GRAMD1B: variants seen among roughly 807,000 people sequenced by gnomAD.
GRAMD1B encodes protein Aster-B.
A neutral mutation model predicts 99.7 loss-of-function variants in GRAMD1B; 37 were observed. That is an observed-to-expected ratio of 0.37 (90% CI 0.29 to 0.49). The LOEUF is 0.49. Among genes scored for constraint, GRAMD1B ranks in the 20% least tolerant of loss-of-function variants. The pLI is 0.98. For missense variants in GRAMD1B, 888 were observed against 1,009.2 expected (o/e 0.88, Z 1.63); for synonymous variants, 427 against 387.6 (o/e 1.10, Z -1.19).
chr11:123,593,059 C>T (rs1950854604), intron 4 of GRAMD1B, among the ~76,000 whole-genome samples: 1 of 151,970 alleles, frequency 6.6e-6, no homozygotes, highest in African/African-American at 2.4e-5. Flanking sequence ...TGGCGAAACC[C>T]CATCTCTAGT....
intron 1 of GRAMD1B, among the ~76,000 whole-genome samples, chr11:123,473,511 G>A (rs1242844757): frequency 6.6e-6 from 1 of 152,158 alleles, no homozygotes; most frequent in Non-Finnish European, 1.5e-5. Context: ...GGGCTCCAGA[G>A]ATCCTCCTTC....
chr11:123,578,472 T>C, intron 3 of GRAMD1B: 1 of 1,416,992 alleles, frequency 7.1e-7, no homozygotes, highest in Non-Finnish European at 9.6e-7. Flanking sequence ...TCCCCTCTAG[T>C]GTCGATCTGT....
chr11:123,364,842 C>CA (rs11309566), intron 1 of GRAMD1B, among the ~76,000 whole-genome samples: 4 of 149,718 alleles, frequency 2.7e-5, no homozygotes, highest in South Asian at 2.1e-4. Flanking sequence ...TCCAGTTTTT[C>CA]AAAAAAAAAA....
chr11:123,571,078 C>A (rs936793483), intron 2 of GRAMD1B, among the ~76,000 whole-genome samples: 1 of 152,186 alleles, frequency 6.6e-6, no homozygotes, highest in Non-Finnish European at 1.5e-5. Flanking sequence ...GGTGGAGGCA[C>A]CGGGGGCCAG....
At chr11:123,485,547 T>C (rs1937639539) in intron 2 of GRAMD1B, among the ~76,000 whole-genome samples, 1 of 152,284 alleles carries the variant, frequency 6.6e-6, no homozygotes, top group African/African-American at 2.4e-5. Context: ...ATACATTTGC[T>C]GAGTGGGTGT....
At chr11:123,534,977 C>G (rs1381094418) in intron 2 of GRAMD1B, among the ~76,000 whole-genome samples, 3 of 152,040 alleles carry the variant, frequency 2.0e-5, no homozygotes, top group African/African-American at 4.8e-5. Context: ...CTGGTCAGGA[C>G]AGGGATATGT....
intron 3 of GRAMD1B, among the ~76,000 whole-genome samples, chr11:123,580,275 G>A (rs1331453028): frequency 1.3e-5 from 2 of 152,312 alleles, no homozygotes; most frequent in Non-Finnish European, 1.5e-5. Context: ...TGAAGGCCAG[G>A]GCCTGAAGTA....
chr11:123,554,366 C>T (rs759568777), intron 2 of GRAMD1B, among the ~76,000 whole-genome samples: 3 of 151,954 alleles, frequency 2.0e-5, no homozygotes, highest in South Asian at 2.1e-4. Context: ...AGAAACCACA[C>T]CAATAATTTG....
intron 1 of GRAMD1B, among the ~76,000 whole-genome samples, chr11:123,366,984 G>A (rs1040712752): frequency 2.6e-5 from 4 of 151,974 alleles, no homozygotes; most frequent in African/African-American, 4.8e-5. Context: ...TGGGAGGATC[G>A]CTTGAGATCA....
At chr11:123,462,838 G>C (rs549964535) in intron 1 of GRAMD1B, among the ~76,000 whole-genome samples, 12 of 135,952 alleles carry the variant, frequency 8.8e-5, no homozygotes, top group African/African-American at 3.4e-4. Flanking sequence ...CCATGACCCT[G>C]CCAAATCCCC....
At chr11:123,549,789 C>T (rs1199695985) in intron 2 of GRAMD1B, among the ~76,000 whole-genome samples, 6 of 152,152 alleles carry the variant, frequency 3.9e-5, no homozygotes, top group Non-Finnish European at 8.8e-5. Flanking sequence ...AGTCTGAACC[C>T]TCCTCTTTAA....
At chr11:123,483,562 T>G (rs1032902884) in intron 2 of GRAMD1B, among the ~76,000 whole-genome samples, 2 of 151,994 alleles carry the variant, frequency 1.3e-5, no homozygotes, top group African/African-American at 4.8e-5. Flanking sequence ...AATTTTTGTA[T>G]ATTTTTGTAG....
At chr11:123,366,761 CTTCTA>C (rs781080401) in intron 1 of GRAMD1B, among the ~76,000 whole-genome samples, 2 of 152,188 alleles carry the variant, frequency 1.3e-5, no homozygotes, top group African/African-American at 2.4e-5. Flanking sequence ...GTGCTCTTGT[CTTCTA>C]TTCTTTTCTC....
intron 1 of GRAMD1B, among the ~76,000 whole-genome samples, chr11:123,363,428 T>C (rs1308239398): frequency 1.3e-5 from 2 of 152,178 alleles, no homozygotes; most frequent in Non-Finnish European, 2.9e-5. Context: ...GATAACCGCC[T>C]GTAAAGAACT....
At chr11:123,474,290 A>T (rs1951157102) in intron 1 of GRAMD1B, among the ~76,000 whole-genome samples, 1 of 152,106 alleles carries the variant, frequency 6.6e-6, no homozygotes, top group African/African-American at 2.4e-5. Flanking sequence ...GCAATCTTGA[A>T]TCCAACAGAA....
rs961245915 is a variant in GRAMD1B at position 123,431,144 on chromosome 11, C to T, written c.352C>T (p.Arg118Trp). 1.0e-5 allele frequency: 7 copies of T among 702,462 alleles called. No individual in the cohort carries two copies. The highest frequency in any genetic ancestry group is 1.6e-5 in the Non-Finnish European group (6 of 384,730). 43.5% of individuals were successfully genotyped at this position (702,462 alleles called of 1,614,324 possible). The change falls in exon 1 of 20, where the codon CGG (arginine) becomes TGG (tryptophan). Residue 118 changes from arginine (R) to tryptophan (W), a missense_variant. This residue lies in a region of GRAMD1B where 233 missense variants were observed against 154.6 expected (regional missense o/e 1.51). Coordinates refer to ENST00000635736, the MANE Select transcript of GRAMD1B (RefSeq NM_001387025.1). The part of the protein sequence containing the change: ...LLRKWLRVRE[R>W]KECSESSSQQ... ...CCGCAAGTGGCTGAGGGTGAGGGAGCGGAAGGAGTGCAGTGAAAGCAGGTA... is the reference window on the plus strand; with the variant it reads ...CCGCAAGTGGCTGAGGGTGAGGGAGTGGAAGGAGTGCAGTGAAAGCAGGTA...
chr11:123,455,123 G>A (rs1183135977), intron 1 of GRAMD1B, among the ~76,000 whole-genome samples: 1 of 152,110 alleles, frequency 6.6e-6, no homozygotes, highest in African/African-American at 2.4e-5. Context: ...TAATATTTAG[G>A]GAAGTAGGAA....
At chr11:123,556,773 G>A (rs149050541) in intron 2 of GRAMD1B, among the ~76,000 whole-genome samples, 159 of 152,308 alleles carry the variant, frequency 1.0e-3, no homozygotes, top group African/African-American at 3.3e-3. Context: ...CGTAAGTTCC[G>A]TTTGTGGAAG....
chr11:123,549,237 G>A (rs1269112963), intron 2 of GRAMD1B, among the ~76,000 whole-genome samples: 5 of 152,150 alleles, frequency 3.3e-5, no homozygotes, highest in Non-Finnish European at 5.9e-5. Flanking sequence ...CACTTGCAGA[G>A]CTGTGAGATG....
Sources: allele counts gnomAD v4.1 joint callset (sites outside exome capture counted in the v4.1 genomes callset), GRCh38; gene constraint gnomAD v4.1.1; regional missense constraint gnomAD v4.1.1; transcripts MANE v1.5; gene names NCBI Gene and HGNC (gene_info 2026-07-23, HGNC 2026-07-21).